RAP1A: variants seen among roughly 807,000 people sequenced by gnomAD.
The protein encoded by RAP1A is RAP1A, member of RAS oncogene family.
Under a neutral mutation model 26.4 loss-of-function variants are expected in RAP1A, and 6 were observed. The observed-to-expected ratio is 0.23, with a 90% CI of 0.12 to 0.45. The LOEUF (loss-of-function observed/expected upper bound fraction) is 0.45. RAP1A is among the 20% of genes least tolerant of loss of function. RAP1A has a pLI of 0.99. For missense variants in RAP1A, 121 were observed against 217.2 expected (o/e 0.56, Z 2.78); for synonymous variants, 73 against 79.4 (o/e 0.92, Z 0.43).
intron 2 of RAP1A, among the ~76,000 whole-genome samples, 199 bp downstream of exon 2, chr1:111,691,616 T>C (rs763006476): frequency 6.6e-6 from 1 of 152,222 alleles, no homozygotes; most frequent in Non-Finnish European, 1.5e-5. Context: ...ATTCTTATAT[T>C]TACCAAATAT....
At chr1:111,563,488 C>T (rs916976060) in intron 1 of RAP1A, among the ~76,000 whole-genome samples, 3 of 152,026 alleles carry the variant, frequency 2.0e-5, no homozygotes, top group African/African-American at 7.2e-5. Flanking sequence ...TCGGGAGAAA[C>T]GAGCCTGAGT....
intron 1 of RAP1A, among the ~76,000 whole-genome samples, chr1:111,611,169 T>C (rs374647933): frequency 6.6e-6 from 1 of 152,224 alleles, no homozygotes; most frequent in African/African-American, 2.4e-5. Context: ...AATCCCATTC[T>C]AGAGCTGTCA....
At chr1:111,684,228 A>C (rs746951815) in intron 1 of RAP1A, among the ~76,000 whole-genome samples, 5 of 152,220 alleles carry the variant, frequency 3.3e-5, no homozygotes, top group Non-Finnish European at 4.4e-5. Context: ...AAAAGCTGGA[A>C]GCATTCCCTT....
intron 6 of RAP1A, among the ~76,000 whole-genome samples, 175 bp downstream of exon 6, chr1:111,704,661 T>C (rs942991113): frequency 2.6e-5 from 4 of 152,230 alleles, no homozygotes; most frequent in African/African-American, 9.6e-5. Context: ...AAGGTCACTT[T>C]GATGGCTGTA....
At chr1:111,546,645 C>A (rs1557844356) in intron 1 of RAP1A, among the ~76,000 whole-genome samples, 1 of 152,136 alleles carries the variant, frequency 6.6e-6, no homozygotes. Context: ...CATGTATATA[C>A]CACATTTTGT....
chr1:111,671,495 G>C (rs778152267), intron 1 of RAP1A, among the ~76,000 whole-genome samples: 2 of 150,102 alleles, frequency 1.3e-5, no homozygotes, highest in Non-Finnish European at 3.0e-5. Flanking sequence ...TTTTGTTTTT[G>C]AGGCACTCTC....
intron 4 of RAP1A, among the ~76,000 whole-genome samples, chr1:111,698,015 G>A (rs1013500902): frequency 4.6e-5 from 7 of 152,070 alleles, no homozygotes; most frequent in African/African-American, 1.7e-4. Context: ...ATCATAAGGT[G>A]TTTGTGATAA....
intron 1 of RAP1A, among the ~76,000 whole-genome samples, chr1:111,654,724 C>G (rs1012054788): frequency 1.3e-5 from 2 of 151,190 alleles, no homozygotes; most frequent in Non-Finnish European, 2.9e-5. Context: ...AGTCCAGAGA[C>G]TTCTACCTGA....
intron 1 of RAP1A, among the ~76,000 whole-genome samples, chr1:111,562,775 G>A (rs1657791064): frequency 6.6e-6 from 1 of 152,208 alleles, no homozygotes; most frequent in Admixed American, 6.5e-5. Context: ...CCTCTTGATA[G>A]GCTGGAAGAC....
intron 1 of RAP1A, among the ~76,000 whole-genome samples, chr1:111,560,375 GC>G (rs1557850217): frequency 6.6e-6 from 1 of 151,834 alleles, no homozygotes; most frequent in Non-Finnish European, 1.5e-5. Context: ...TAAGGCAGGG[GC>G]TGATATTCAC....
chr1:111,664,230 C>G (rs1010882989), intron 1 of RAP1A, among the ~76,000 whole-genome samples: 2 of 151,922 alleles, frequency 1.3e-5, no homozygotes, highest in Non-Finnish European at 2.9e-5. Flanking sequence ...AAAAATTATC[C>G]GGGCATGGTG....
At chr1:111,615,121 G>A (rs935172643), upstream of RAP1A, among the ~76,000 whole-genome samples, 3 of 152,098 alleles carry the variant, frequency 2.0e-5, no homozygotes, top group Non-Finnish European at 4.4e-5. Context: ...ACAGCAAGTA[G>A]TTTGATATAC....
intron 1 of RAP1A, among the ~76,000 whole-genome samples, chr1:111,685,598 A>G (rs925580181): frequency 4.6e-5 from 7 of 152,174 alleles, no homozygotes; most frequent in Admixed American, 6.5e-5. Flanking sequence ...CAGTTAGAAT[A>G]GCGATCATTA....
At chr1:111,551,619 G>T (rs1268751024) in intron 1 of RAP1A, among the ~76,000 whole-genome samples, 4 of 152,062 alleles carry the variant, frequency 2.6e-5, no homozygotes, top group Non-Finnish European at 5.9e-5. Flanking sequence ...TTATGTAGCT[G>T]TCTTTTAAAT....
At chr1:111,608,243 C>CTGCAATCTCGGCACTTTGGGAG (rs1658847838) in intron 1 of RAP1A, 1 of 153,216 alleles carries the variant, frequency 6.5e-6, no homozygotes. Context: ...CGGGTAGAGG[C>CTGCAATCTCGGCACTTTGGGAG]GCTCCTCACA....
intron 1 of RAP1A, among the ~76,000 whole-genome samples, chr1:111,672,278 C>G (rs1660998418): frequency 6.6e-6 from 1 of 152,136 alleles, no homozygotes; most frequent in African/African-American, 2.4e-5. Flanking sequence ...GTGCTATTAA[C>G]ATAAATTAAT....
rs141255883 is a variant in RAP1A at position 111,634,629 on chromosome 1, T to G, written c.-28+14695T>G. Among the ~76,000 whole-genome samples, 1,192 of 150,960 alleles carry G rather than the reference T, an allele frequency of 7.9e-3. 5 individuals are homozygous for G. The highest frequency in any genetic ancestry group is 0.017 in the African/African-American group (699 of 41,256). On this transcript the variant is annotated intron_variant, in intron 1 of 7. Coordinates refer to ENST00000369709, the MANE Select transcript of RAP1A (RefSeq NM_002884.4). The stretch of plus-strand genomic sequence containing the variant: ...TATATATATGTATGTATGTATGTAT[T>G]TATTTATTTATTTATTTTATTCATT...
At chr1:111,648,221 C>G in intron 1 of RAP1A, 2 of 363,680 alleles carry the variant, frequency 5.5e-6, no homozygotes, top group Non-Finnish European at 1.0e-5. Flanking sequence ...TTTTTTTTGA[C>G]TTCCAGTGAC....
chr1:111,579,326 A>G (rs565748059), intron 1 of RAP1A, among the ~76,000 whole-genome samples: 1 of 152,338 alleles, frequency 6.6e-6, no homozygotes, highest in East Asian at 1.9e-4. Flanking sequence ...ATTATGAATA[A>G]CAAAGATGTT....
Sources: gnomAD v4.1 joint callset for allele counts (sites outside exome capture counted in the v4.1 genomes callset) on GRCh38, gnomAD v4.1.1 for gene constraint, MANE v1.5 for transcripts, NCBI Gene and HGNC (gene_info 2026-07-23, HGNC 2026-07-21) for gene names.